DCC: variants seen among roughly 807,000 people sequenced by gnomAD.
DCC encodes the protein netrin receptor DCC.
A neutral mutation model predicts 172.5 loss-of-function variants in DCC; 58 were observed. That is an observed-to-expected ratio of 0.34 (90% CI 0.27 to 0.42). The LOEUF (loss-of-function observed/expected upper bound fraction) is 0.42. Among genes scored for constraint, DCC ranks in the 10% least tolerant of loss-of-function variants. The pLI is 1.00. For synonymous variants in DCC, 709 were observed against 644.5 expected (o/e 1.10, Z -1.52); for missense variants, 1,740 against 1,791.0 (o/e 0.97, Z 0.51).
chr18:52,984,817 C>T (rs1282966583), intron 5 of DCC, among the ~76,000 whole-genome samples: 1 of 152,062 alleles, frequency 6.6e-6, no homozygotes, highest in Non-Finnish European at 1.5e-5. Flanking sequence ...GTATGTGCCT[C>T]TCAAGCATGA....
chr18:52,849,418 C>A (rs899439472), intron 2 of DCC, among the ~76,000 whole-genome samples: 8 of 152,160 alleles, frequency 5.3e-5, no homozygotes, highest in African/African-American at 1.9e-4. Flanking sequence ...AGTTTTGTTT[C>A]TCCTTCTCTA....
chr18:53,002,648 A>G (rs2041583968), intron 5 of DCC, among the ~76,000 whole-genome samples: 1 of 151,564 alleles, frequency 6.6e-6, no homozygotes, highest in African/African-American at 2.4e-5. Flanking sequence ...CACATGCCAG[A>G]TATTTATTTA....
intron 1 of DCC, among the ~76,000 whole-genome samples, chr18:52,540,073 A>G (rs2032395501): frequency 6.6e-6 from 1 of 152,142 alleles, no homozygotes; most frequent in African/African-American, 2.4e-5. Flanking sequence ...TCATATCTCA[A>G]TGTTGGGTTT....
At chr18:52,697,369 A>G (rs1357690834) in intron 1 of DCC, among the ~76,000 whole-genome samples, 1 of 152,190 alleles carries the variant, frequency 6.6e-6, no homozygotes, top group African/African-American at 2.4e-5. Flanking sequence ...TGATGTGTTC[A>G]TGGCAGCGAT....
chr18:53,416,783 A>G (rs965952808), intron 21 of DCC, among the ~76,000 whole-genome samples: 1 of 152,196 alleles, frequency 6.6e-6, no homozygotes, highest in African/African-American at 2.4e-5. Flanking sequence ...CAAAGGCAAA[A>G]TGGAGATAAA....
At chr18:52,983,693 A>AT (rs1468897304) in intron 5 of DCC, among the ~76,000 whole-genome samples, 1 of 152,184 alleles carries the variant, frequency 6.6e-6, no homozygotes, top group Admixed American at 6.5e-5. Flanking sequence ...AAGAAATCTT[A>AT]TTTCAGCATC....
At chr18:53,197,419 G>GTTTT (rs11427253) in intron 9 of DCC, among the ~76,000 whole-genome samples, 2,176 of 119,434 alleles carry the variant, frequency 0.018, 46 homozygotes, top group East Asian at 0.097. Context: ...TTTTATTTTA[G>GTTTT]TTTTTTTTTT....
chr18:52,584,340 T>G (rs1297695971), intron 1 of DCC, among the ~76,000 whole-genome samples: 1 of 152,124 alleles, frequency 6.6e-6, no homozygotes, highest in African/African-American at 2.4e-5. Flanking sequence ...AATGTTTAGA[T>G]ACAGTAAGAA....
intron 1 of DCC, among the ~76,000 whole-genome samples, chr18:52,449,158 A>C (rs1988222826): frequency 6.6e-6 from 1 of 152,184 alleles, no homozygotes; most frequent in Non-Finnish European, 1.5e-5. Flanking sequence ...AAACCATCAG[A>C]TCTTGTGAGA....
chr18:52,393,229 C>A (rs1285921432), intron 1 of DCC, among the ~76,000 whole-genome samples: 4 of 152,078 alleles, frequency 2.6e-5, no homozygotes, highest in Non-Finnish European at 5.9e-5. Flanking sequence ...CCATTCATAA[C>A]AGAGGGTTAT....
At chr18:52,860,563 C>T (rs1391579695) in intron 2 of DCC, among the ~76,000 whole-genome samples, 1 of 152,234 alleles carries the variant, frequency 6.6e-6, no homozygotes. Flanking sequence ...AATTTCTCCT[C>T]CGGTTCCCCT....
chr18:53,527,488 G>T lies in DCC; in HGVS notation c.4254+729G>T, dbSNP rs116442872. Among the ~76,000 whole-genome samples the T allele has an allele frequency of 7.1e-3, 1,071 of 151,450 alleles. 10 individuals carry two copies. The highest frequency in any genetic ancestry group is 0.025 in the African/African-American group (1,034 of 41,338). The stretch of plus-strand genomic sequence containing the variant: ...TTACTTCTGAAATCATAAAATACCA[G>T]AAATATAGATTTGTGAAGGAAAAAA... On this transcript the variant is annotated intron_variant, in intron 28 of 28. Coordinates refer to ENST00000442544, the MANE Select transcript of DCC (RefSeq NM_005215.4).
chr18:52,805,740 A>G (rs1233461589), intron 2 of DCC, among the ~76,000 whole-genome samples: 2 of 152,178 alleles, frequency 1.3e-5, no homozygotes, highest in Non-Finnish European at 2.9e-5. Context: ...AACCAGAAAT[A>G]CATAACTGGA....
intron 5 of DCC, among the ~76,000 whole-genome samples, chr18:52,953,917 A>T (rs909894075): frequency 1.1e-4 from 17 of 152,216 alleles, no homozygotes; most frequent in Admixed American, 6.5e-4. Flanking sequence ...GAGTTTCATG[A>T]GTGTTGGAAT....
chr18:53,358,961 T>C (rs1403802974), intron 15 of DCC, among the ~76,000 whole-genome samples: 1 of 152,216 alleles, frequency 6.6e-6, no homozygotes, highest in Non-Finnish European at 1.5e-5. Context: ...TTTACTTTGG[T>C]ATGAGGTTGT....
At chr18:53,277,605 A>G (rs1351301018) in intron 12 of DCC, among the ~76,000 whole-genome samples, 1 of 152,136 alleles carries the variant, frequency 6.6e-6, no homozygotes, top group Non-Finnish European at 1.5e-5. Flanking sequence ...AGTTTTGATA[A>G]TACAGTTAAG....
At chr18:52,638,177 T>C (rs558644203) in intron 1 of DCC, among the ~76,000 whole-genome samples, 1 of 152,152 alleles carries the variant, frequency 6.6e-6, no homozygotes, top group South Asian at 2.1e-4. Context: ...GCTCTAAATC[T>C]TGAAACAAAT....
chr18:53,166,507 A>T (rs1431091120), intron 8 of DCC, among the ~76,000 whole-genome samples: 2 of 152,172 alleles, frequency 1.3e-5, no homozygotes, highest in Non-Finnish European at 2.9e-5. Flanking sequence ...CACATTTATC[A>T]TGTGGATAGA....
At chr18:53,045,356 G>A (rs1269640350) in intron 5 of DCC, among the ~76,000 whole-genome samples, 1 of 151,766 alleles carries the variant, frequency 6.6e-6, no homozygotes, top group Non-Finnish European at 1.5e-5. Context: ...CCTTACTTTT[G>A]GCCCTTGTAG....
Sources: allele counts gnomAD v4.1 joint callset (sites outside exome capture counted in the v4.1 genomes callset), GRCh38; gene constraint gnomAD v4.1.1; transcripts MANE v1.5; gene names NCBI Gene and HGNC (gene_info 2026-07-23, HGNC 2026-07-21).